PDE10A: variants seen among roughly 807,000 people sequenced by gnomAD.
The protein encoded by PDE10A is cAMP and cAMP-inhibited cGMP 3',5'-cyclic phosphodiesterase 10A.
Under a neutral mutation model 97.7 loss-of-function variants are expected in PDE10A, and 39 were observed. That is an observed-to-expected ratio of 0.40 (90% CI 0.31 to 0.52). The LOEUF is 0.52. PDE10A is among the 20% of genes least tolerant of loss of function. PDE10A has a pLI of 0.56. For synonymous variants in PDE10A, 371 were observed against 376.8 expected (o/e 0.98, Z 0.18); for missense variants, 731 against 1,047.8 (o/e 0.70, Z 4.17).
chr6:165,819,254 C>T lies in PDE10A; in HGVS notation c.-615+168275G>A, dbSNP rs1321398889. On this transcript the variant is annotated intron_variant, in intron 1 of 19. Transcript: ENST00000366882. The surrounding 1 kb of genome is among the most constrained non-coding windows in gnomAD (Gnocchi z 4.2). ...CAGCACACGTTGGGATGATTTTTGA[C>T]TCCTGCCCTCTCCGTCCACACGTCA... is the stretch of plus-strand genomic sequence containing the variant. 6.6e-6 allele frequency among the ~76,000 whole-genome samples: 1 copy of T among 152,218 alleles called. No homozygotes were observed. The highest frequency in any genetic ancestry group is 1.5e-5 in the Non-Finnish European group (1 of 68,036).
intron 2 of PDE10A, among the ~76,000 whole-genome samples, chr6:165,534,691 A>G (rs1381550970): frequency 2.6e-5 from 4 of 152,150 alleles, no homozygotes; most frequent in Non-Finnish European, 5.9e-5. Context: ...AGAATGAGAC[A>G]GAAAGCATAT....
chr6:165,665,995 A>G (rs545564811), upstream of PDE10A, among the ~76,000 whole-genome samples: 1 of 152,194 alleles, frequency 6.6e-6, no homozygotes, highest in African/African-American at 2.4e-5. Flanking sequence ...CCTGATTGTT[A>G]ATTTGGATTT....
intron 12 of PDE10A, 24 bp from the exon 13 acceptor site, chr6:165,413,711 T>C (rs1016538695): frequency 6.4e-7 from 1 of 1,571,296 alleles, no homozygotes; most frequent in African/African-American, 1.4e-5. Context: ...GAACCAAAAA[T>C]AACAACAACA....
intron 1 of PDE10A, among the ~76,000 whole-genome samples, chr6:165,904,000 C>T (rs375274219): frequency 6.6e-6 from 1 of 152,102 alleles, no homozygotes; most frequent in East Asian, 1.9e-4. Flanking sequence ...CTGCAATGGG[C>T]CAAGGAGAGA....
intron 1 of PDE10A, among the ~76,000 whole-genome samples, chr6:165,605,321 G>A (rs114197939): frequency 0.011 from 1,656 of 152,230 alleles, 29 homozygotes; most frequent in African/African-American, 0.037. Context: ...CCTTCCACTC[G>A]TTCCGAATGG....
rs1214322840 is a variant in PDE10A, at chr6:165,791,942, A to G, written c.-615+195587T>C. On this transcript the variant is annotated intron_variant, in intron 1 of 19. Coordinates refer to the PDE10A transcript ENST00000366882. ...GTCCGAAGTCAGCTCTGTGCAACAC[A>G]CATACAAGACTCTCAGCATCGGCCG... Among the ~76,000 whole-genome samples the G allele has an allele frequency of 6.6e-5, 10 of 152,276 alleles. No individual in the cohort carries two copies. The East Asian group carries it at 1.9e-3, about 29-fold the overall frequency.
chr6:165,710,439 C>T (rs1791866307), intron 1 of PDE10A, among the ~76,000 whole-genome samples: 1 of 152,160 alleles, frequency 6.6e-6, no homozygotes, highest in Non-Finnish European at 1.5e-5. Context: ...TAAAAACAGA[C>T]AACTAAGATG....
intron 1 of PDE10A, among the ~76,000 whole-genome samples, chr6:165,633,969 C>T (rs1398441672): frequency 2.0e-5 from 3 of 152,050 alleles, no homozygotes; most frequent in African/African-American, 7.2e-5. Context: ...ATAGGGTCTG[C>T]TATTTAAGAA....
intron 1 of PDE10A, among the ~76,000 whole-genome samples, chr6:165,984,609 C>T (rs976359666): frequency 2.0e-5 from 3 of 152,202 alleles, no homozygotes; most frequent in African/African-American, 7.2e-5. Flanking sequence ...TTGACAGACA[C>T]TCATGGTGAT....
chr6:165,601,731 T>C (rs537991356), intron 1 of PDE10A, among the ~76,000 whole-genome samples: 1 of 152,352 alleles, frequency 6.6e-6, no homozygotes, highest in East Asian at 1.9e-4. Context: ...AAGTTTTCAT[T>C]TATTTGCTCT....
rs537823811 is a variant in PDE10A at position 165,832,029 on chromosome 6, A to G, written c.-615+155500T>C. Among the ~76,000 whole-genome samples the G allele has an allele frequency of 2.0e-5, 3 of 152,354 alleles. No individual in the cohort carries two copies. In the East Asian group the frequency reaches 5.8e-4, roughly 29 times the overall value. On this transcript the variant is annotated intron_variant, in intron 1 of 19. Coordinates refer to the PDE10A transcript ENST00000366882. ...TACAAGGCCAACAGGAAGTCAGAAGAGACATCAAAGGACTGTTACAATGAG... is the reference window on the plus strand; with the variant it reads ...TACAAGGCCAACAGGAAGTCAGAAGGGACATCAAAGGACTGTTACAATGAG...
intron 5 of PDE10A, among the ~76,000 whole-genome samples, chr6:165,439,104 A>G (rs556857323): frequency 3.9e-5 from 6 of 152,326 alleles, no homozygotes; most frequent in Middle Eastern, 3.4e-3. Flanking sequence ...CAAAATCAAT[A>G]TAACTGTTGA....
chr6:165,862,880 C>A (rs1845530), intron 1 of PDE10A, among the ~76,000 whole-genome samples: 110,749 of 152,038 alleles, frequency 0.73, 40,806 homozygotes, highest in East Asian at 0.96. Flanking sequence ...GGATTTTACC[C>A]TGTTGGCCAG....
intron 1 of PDE10A, among the ~76,000 whole-genome samples, chr6:165,580,028 C>T (rs542034495): frequency 3.3e-5 from 5 of 152,274 alleles, no homozygotes; most frequent in East Asian, 1.9e-4. Context: ...TCTAAACTTT[C>T]GAATATCCTA....
intron 1 of PDE10A, among the ~76,000 whole-genome samples, chr6:165,854,988 G>GGAATGAATGAATGAATGAAT (rs56216066): frequency 4.7e-5 from 7 of 149,736 alleles, no homozygotes; most frequent in Non-Finnish European, 5.9e-5. Flanking sequence ...AAGAGGAAGA[G>GGAATGAATGAATGAATGAAT]GAATGAATGA....
intron 1 of PDE10A, among the ~76,000 whole-genome samples, chr6:165,852,580 C>T (rs1050595361): frequency 2.0e-5 from 3 of 152,208 alleles, no homozygotes; most frequent in Non-Finnish European, 4.4e-5. Context: ...TTTAAATCTT[C>T]CTGTGAACAG....
chr6:165,824,625 G>A (rs1427700199), intron 1 of PDE10A, among the ~76,000 whole-genome samples: 1 of 152,120 alleles, frequency 6.6e-6, no homozygotes, highest in Non-Finnish European at 1.5e-5. Context: ...GTGTTTGCAG[G>A]TGACAACCTA....
chr6:165,451,406 C>T (rs55957332), intron 3 of PDE10A, among the ~76,000 whole-genome samples: 17,438 of 152,228 alleles, frequency 0.11, 3,206 homozygotes, highest in African/African-American at 0.39. Flanking sequence ...ACTGTAAACT[C>T]GAAATATAAA....
intron 10 of PDE10A, among the ~76,000 whole-genome samples, chr6:165,423,695 G>A (rs895782523): frequency 3.9e-5 from 6 of 151,914 alleles, no homozygotes; most frequent in African/African-American, 1.2e-4. Context: ...GTGAAACCCC[G>A]TTTCTACTAA....
Sources: gnomAD v4.1 joint callset for allele counts (sites outside exome capture counted in the v4.1 genomes callset) on GRCh38, gnomAD v4.1.1 for gene constraint, Gnocchi (gnomAD v3.1) non-coding constraint, MANE v1.5 for transcripts, NCBI Gene and HGNC (gene_info 2026-07-23, HGNC 2026-07-21) for gene names.